IQGAP2: variants seen among roughly 807,000 people sequenced by gnomAD.
IQGAP2 encodes the protein ras GTPase-activating-like protein IQGAP2.
IQGAP2 carries 173 observed loss-of-function variants against 201.3 expected under a neutral mutation model. The observed-to-expected ratio is 0.86, with a 90% confidence interval of 0.76 to 0.98. The LOEUF (loss-of-function observed/expected upper bound fraction) is 0.98, where lower values mean the gene tolerates loss of function less well. Among genes scored for constraint, IQGAP2 ranks in the 50% least tolerant of loss-of-function variants. The pLI, the probability that IQGAP2 is intolerant of heterozygous loss-of-function variation, is 0.00. For synonymous variants in IQGAP2, 675 were observed against 673.9 expected, an observed-to-expected ratio of 1.00 and a Z score of -0.03; for missense variants, 1,687 against 1,864.8, an observed-to-expected ratio of 0.90 and a Z score of 1.76.
chr5:76,434,976 G>A (rs1443929617), intron 1 of IQGAP2, among the ~76,000 whole-genome samples: 1 of 151,218 alleles, frequency 6.6e-6, no homozygotes, highest in Non-Finnish European at 1.5e-5. Flanking sequence ...TTTTTCATGT[G>A]TTTGTTGGCC....
rs112535938 is a variant in IQGAP2 at position 76,683,089 on chromosome 5, G to A, written c.3661-26G>A. 2,023 of 1,381,382 alleles carry A rather than the reference G, an allele frequency of 1.5e-3. 28 individuals are homozygous for A. The African/African-American group carries it at 0.022, about 15-fold the overall frequency. The allele number at this position is 1,381,382 out of a possible 1,614,324, so 85.6% of individuals were successfully genotyped here. ...CAGTTGAGAATTTACTTTTTTCTTT[G>A]TGTGTGTGTTGCTTTCTACATAAAG... On this transcript the variant is annotated intron_variant, in intron 28 of 35. Transcript: ENST00000274364.
intron 14 of IQGAP2, chr5:76,628,780 A>T: frequency 2.2e-6 from 1 of 453,294 alleles, no homozygotes; most frequent in Admixed American, 2.4e-5. Context: ...CTGAACTTTT[A>T]TTCCCTAAGG....
chr5:76,492,386 G>T (rs1450011903), intron 2 of IQGAP2, among the ~76,000 whole-genome samples: 1 of 152,232 alleles, frequency 6.6e-6, no homozygotes, highest in African/African-American at 2.4e-5. Context: ...AGAGGCTAAA[G>T]GGAAAGGTAG....
At chr5:76,432,128 C>CTTTTTTTTTTTTTTTTTTTTTTTTTTTT (rs70982606) in intron 1 of IQGAP2, among the ~76,000 whole-genome samples, 2 of 95,300 alleles carry the variant, frequency 2.1e-5, no homozygotes, top group East Asian at 2.8e-4. Context: ...TTTCTTTCTT[C>CTTTTTTTTTTTTTTTTTTTTTTTTTTTT]TTTTTTTTTT....
intron 11 of IQGAP2, among the ~76,000 whole-genome samples, chr5:76,603,228 G>A (rs1430293622): frequency 1.3e-5 from 2 of 152,080 alleles, no homozygotes; most frequent in Non-Finnish European, 2.9e-5. Context: ...ACCCAGCTCA[G>A]CTAAACACAG....
intron 2 of IQGAP2, among the ~76,000 whole-genome samples, chr5:76,550,833 C>A (rs1034566410): frequency 6.6e-6 from 1 of 152,272 alleles, no homozygotes; most frequent in Non-Finnish European, 1.5e-5. Context: ...AAACCGCCAT[C>A]GTCATCATGG....
chr5:76,531,809 G>A (rs1215042037), intron 2 of IQGAP2, among the ~76,000 whole-genome samples: 3 of 152,168 alleles, frequency 2.0e-5, no homozygotes, highest in Admixed American at 1.3e-4. Flanking sequence ...AGTCTATCCA[G>A]GCTGCTATAA....
rs540631100 is a variant in IQGAP2, at chr5:76,403,924, G to T, written c.46+333G>T. Among the ~76,000 whole-genome samples the T allele has an allele frequency of 5.3e-4, 81 of 152,296 alleles. 1 individual carries two copies. The highest frequency in any genetic ancestry group is 1.9e-3 in the African/African-American group (79 of 41,586). The stretch of plus-strand genomic sequence containing the variant: ...TCAGGTGAGGAGTCCGCGGAGCTCC[G>T]GGTCGCCGCCGGCTTGGGCCAGGGG... On this transcript the variant is annotated intron_variant, in intron 1 of 35. Coordinates refer to ENST00000274364, the MANE Select transcript of IQGAP2 (RefSeq NM_006633.5). This position sits in a 1 kb window ranked among gnomAD's most constrained non-coding sequence, Gnocchi z 4.8.
At chr5:76,520,833 G>C (rs1278198158) in intron 2 of IQGAP2, among the ~76,000 whole-genome samples, 1 of 149,498 alleles carries the variant, frequency 6.7e-6, no homozygotes, top group Admixed American at 6.7e-5. Context: ...TCAGCCTCCC[G>C]AGTGGATGGG....
chr5:76,662,645 G>A (rs1743360240), intron 21 of IQGAP2, among the ~76,000 whole-genome samples: 1 of 152,202 alleles, frequency 6.6e-6, no homozygotes, highest in Non-Finnish European at 1.5e-5. Context: ...GAGGAAAAAT[G>A]TGGATTAACT....
At chr5:76,441,568 G>A (rs562057482) in intron 1 of IQGAP2, 1 of 965,160 alleles carries the variant, frequency 1.0e-6, no homozygotes, top group Admixed American at 6.2e-5. Flanking sequence ...GCCAGTGGCA[G>A]GGTTCGTGAA....
At chr5:76,469,079 G>A (rs1488813079) in intron 2 of IQGAP2, among the ~76,000 whole-genome samples, 2 of 152,142 alleles carry the variant, frequency 1.3e-5, no homozygotes, top group East Asian at 1.9e-4. Flanking sequence ...TCAGACTCAC[G>A]GTAGACAGCT....
intron 2 of IQGAP2, among the ~76,000 whole-genome samples, chr5:76,557,312 G>A (rs983364378): frequency 7.2e-5 from 11 of 152,098 alleles, no homozygotes; most frequent in Non-Finnish European, 1.3e-4. Context: ...GAAAAACACC[G>A]GAAAATCATC....
At chr5:76,418,099 C>T (rs1261784218) in intron 1 of IQGAP2, among the ~76,000 whole-genome samples, 1 of 149,550 alleles carries the variant, frequency 6.7e-6, no homozygotes, top group Non-Finnish European at 1.5e-5. Flanking sequence ...CCCAGCTACT[C>T]AGGAGGCTGA....
At chr5:76,544,819 A>G (rs1317934894) in intron 2 of IQGAP2, among the ~76,000 whole-genome samples, 2 of 152,186 alleles carry the variant, frequency 1.3e-5, no homozygotes, top group Non-Finnish European at 2.9e-5. Context: ...TTTCTTTTGT[A>G]GCCTAGTGGG....
chr5:76,670,755 G>A (rs541464190), intron 23 of IQGAP2, among the ~76,000 whole-genome samples: 4 of 152,318 alleles, frequency 2.6e-5, no homozygotes, highest in African/African-American at 9.6e-5. Flanking sequence ...GCTAGAAGCT[G>A]TATTGCAGCT....
rs150236786 is a variant in IQGAP2, at chr5:76,490,140, G to A, written c.146+28471G>A. 1.0e-3 allele frequency among the ~76,000 whole-genome samples: 159 copies of A among 152,220 alleles called. No homozygotes were observed. The East Asian group carries it at 0.021, about 20-fold the overall frequency. On this transcript the variant is annotated intron_variant, in intron 2 of 35. Coordinates refer to ENST00000274364, the MANE Select transcript of IQGAP2 (RefSeq NM_006633.5). ...GCCTTATACCCGTTTTCATTCTTGC[G>A]GACTTCTCAGGAGGAAGACAGGTTT...
At chr5:76,449,254 G>A (rs6892423) in intron 1 of IQGAP2, among the ~76,000 whole-genome samples, 86 of 152,214 alleles carry the variant, frequency 5.6e-4, no homozygotes, top group African/African-American at 1.9e-3. Flanking sequence ...TTTCTCTCCC[G>A]TCCTTCAAAC....
chr5:76,643,613 A>G (rs529989099), intron 17 of IQGAP2, among the ~76,000 whole-genome samples: 1 of 152,316 alleles, frequency 6.6e-6, no homozygotes, highest in Non-Finnish European at 1.5e-5. Context: ...GAAAAAAATG[A>G]AATAGGATTA....
Sources: allele counts gnomAD v4.1 joint callset (sites outside exome capture counted in the v4.1 genomes callset), GRCh38; gene constraint gnomAD v4.1.1; non-coding constraint Gnocchi (gnomAD v3.1); transcripts MANE v1.5; gene names NCBI Gene and HGNC (gene_info 2026-07-23, HGNC 2026-07-21).